CPNE8: variants seen among roughly 807,000 people sequenced by gnomAD.
The protein encoded by CPNE8 is copine-8.
In CPNE8, 45 loss-of-function variants were observed where a neutral mutation model predicts 81.5. The observed-to-expected ratio is 0.55, with a 90% CI of 0.44 to 0.71. The LOEUF (loss-of-function observed/expected upper bound fraction) is 0.71, where lower values mean the gene tolerates loss of function less well. Ranked by LOEUF, CPNE8 falls within the 30% of genes least tolerant of loss-of-function variation. The pLI is 0.00. For synonymous variants in CPNE8, 252 were observed against 226.3 expected, an observed-to-expected ratio of 1.11 and a Z score of -1.02; for missense variants, 594 against 672.1, an observed-to-expected ratio of 0.88 and a Z score of 1.28.
chr12:38,684,021 G>T (rs1344280541), intron 16 of CPNE8, among the ~76,000 whole-genome samples: 1 of 152,014 alleles, frequency 6.6e-6, no homozygotes, highest in African/African-American at 2.4e-5. Context: ...AAGCATTGAT[G>T]AACACATTTC....
chr12:38,803,546 A>G, intron 6 of CPNE8, among the ~76,000 whole-genome samples: 1 of 137,738 alleles, frequency 7.3e-6, no homozygotes, highest in East Asian at 2.4e-4. Context: ...CCCACAGCCA[A>G]TATCATACTG....
chr12:38,776,355 T>C (rs561641469), intron 6 of CPNE8, 54 bp from the exon 7 acceptor site: 1 of 562,888 alleles, frequency 1.8e-6, no homozygotes, highest in African/African-American at 2.0e-5. Context: ...TAATACTATA[T>C]AATATAAATT....
chr12:38,770,282 A>C (rs926314152), intron 7 of CPNE8, among the ~76,000 whole-genome samples: 12 of 152,186 alleles, frequency 7.9e-5, no homozygotes, highest in African/African-American at 2.9e-4. Flanking sequence ...TCAAGTGCCC[A>C]AAGAAGCCAT....
intron 3 of CPNE8, among the ~76,000 whole-genome samples, chr12:38,857,990 C>T (rs1258105096): frequency 1.3e-5 from 2 of 152,200 alleles, no homozygotes; most frequent in Non-Finnish European, 2.9e-5. Flanking sequence ...CTTTGGAAAA[C>T]ATGTAATTAC....
intron 6 of CPNE8, among the ~76,000 whole-genome samples, chr12:38,796,698 G>A (rs1007662704): frequency 6.6e-6 from 1 of 152,108 alleles, no homozygotes. Context: ...GTGGGCGCAG[G>A]ACAGTGGGTG....
intron 5 of CPNE8, 53 bp downstream of exon 5, chr12:38,839,863 A>T: frequency 7.0e-7 from 1 of 1,423,948 alleles, no homozygotes. Flanking sequence ...AAGTCAGCAT[A>T]AGTACTAATC....
rs201678434 is a variant in CPNE8 at position 38,902,315 on chromosome 12, GGAAAGAAAGAAA to G, written c.98+3110_98+3121del. Among the ~76,000 whole-genome samples the G allele has an allele frequency of 8.4e-3, 702 of 83,600 alleles. 12 individuals are homozygous for G. The highest frequency in any genetic ancestry group is 0.032 in the Middle Eastern group (6 of 186). The allele number at this position is 83,600 out of a possible 152,430, so 54.8% of individuals were successfully genotyped here. ...GGAAGGAAAGGAAGGAAGGAAGGAA[GGAAAGAAAGAAA>G]GAAAGAAAGAAAGAAAGAAAGAAAG... On this transcript the variant is annotated intron_variant, in intron 1 of 19. Coordinates refer to ENST00000331366, the MANE Select transcript of CPNE8 (RefSeq NM_153634.3).
intron 6 of CPNE8, among the ~76,000 whole-genome samples, chr12:38,796,512 CA>C (rs1942477586): frequency 6.6e-6 from 1 of 151,968 alleles, no homozygotes; most frequent in African/African-American, 2.4e-5. Context: ...GAGATGTTTT[CA>C]AAATAGTTGA....
intron 6 of CPNE8, among the ~76,000 whole-genome samples, chr12:38,818,956 C>G (rs902353427): frequency 1.8e-4 from 28 of 152,286 alleles, no homozygotes; most frequent in African/African-American, 6.0e-4. Flanking sequence ...TGTTCACATA[C>G]TTTGCCCACT....
chr12:38,790,276 C>T (rs1942291955), intron 6 of CPNE8, among the ~76,000 whole-genome samples: 1 of 151,672 alleles, frequency 6.6e-6, no homozygotes, highest in African/African-American at 2.4e-5. Context: ...AAATGAGATC[C>T]TGCCATTTAA....
chr12:38,794,734 G>A (rs1256047493), intron 6 of CPNE8, among the ~76,000 whole-genome samples: 1 of 151,894 alleles, frequency 6.6e-6, no homozygotes, highest in East Asian at 1.9e-4. Flanking sequence ...TTATAAAACA[G>A]TGCAATTGCT....
At chr12:38,758,001 T>C (rs974904526) in intron 10 of CPNE8, among the ~76,000 whole-genome samples, 2 of 152,124 alleles carry the variant, frequency 1.3e-5, no homozygotes, top group African/African-American at 4.8e-5. Flanking sequence ...CCCCAAGCAG[T>C]TGATGACCCA....
chr12:38,882,695 A>G (rs1174607381), intron 1 of CPNE8, among the ~76,000 whole-genome samples: 1 of 151,684 alleles, frequency 6.6e-6, no homozygotes. Flanking sequence ...AAAACCCATT[A>G]CCTCCAGAAA....
chr12:38,704,154 A>G (rs977304862), intron 13 of CPNE8, among the ~76,000 whole-genome samples: 1 of 152,162 alleles, frequency 6.6e-6, no homozygotes, highest in Admixed American at 6.6e-5. Flanking sequence ...GTTGGGTACT[A>G]TGCTCAGTAC....
intron 8 of CPNE8, among the ~76,000 whole-genome samples, chr12:38,765,344 A>G (rs1302241992): frequency 1.3e-5 from 2 of 152,210 alleles, no homozygotes; most frequent in Non-Finnish European, 2.9e-5. Context: ...ACTTTAAGTG[A>G]GGCCATTTAC....
chr12:38,695,115 C>T (rs182351779), intron 14 of CPNE8, among the ~76,000 whole-genome samples: 73 of 152,282 alleles, frequency 4.8e-4, no homozygotes, highest in African/African-American at 1.7e-3. Context: ...GTAGAAAGTT[C>T]CTTCCTGACT....
At chr12:38,733,463 A>G (rs1684406) in intron 10 of CPNE8, among the ~76,000 whole-genome samples, 83,498 of 151,386 alleles carry the variant, frequency 0.55, 23,548 homozygotes, top group East Asian at 0.81. Flanking sequence ...CACTATACAG[A>G]GAAACGTGAC....
Position 38,693,835 on chromosome 12 carries a change from T to C in CPNE8, c.965A>G (p.Asn322Ser). 5 of 1,597,890 alleles carry C rather than the reference T, an allele frequency of 3.1e-6. No homozygotes were observed. The highest frequency in any genetic ancestry group is 4.3e-6 in the Non-Finnish European group (5 of 1,173,190). Residue 322 changes from asparagine (N) to serine (S), a missense_variant, in exon 15 of 20, where the codon AAC (asparagine) becomes AGC (serine). Asn to Ser is a conservative substitution (Grantham distance 46). Transcript: ENST00000331366. ...GTGGAGGGAAGTGGGCTGAGCAGGG[T>C]TGCCTGATGACAGAACACATATTTC... ...VAIDFTASNG[N>S]PAQPTSLHYM...
chr12:38,833,483 T>TG (rs1943328478), intron 5 of CPNE8, among the ~76,000 whole-genome samples: 1 of 147,940 alleles, frequency 6.8e-6, no homozygotes, highest in Non-Finnish European at 1.5e-5. Flanking sequence ...ATTAACCTTT[T>TG]TTTTTTTTTT....
Sources: allele counts gnomAD v4.1 joint callset (sites outside exome capture counted in the v4.1 genomes callset), GRCh38; gene constraint gnomAD v4.1.1; transcripts MANE v1.5; gene names NCBI Gene and HGNC (gene_info 2026-07-23, HGNC 2026-07-21).